The following MYZAP variants were observed in gnomAD, a reference collection of about 807,000 sequenced individuals.
The protein encoded by MYZAP is myocardial zonula adherens protein, also known as GRINL1A complex locus upstream.
Under a neutral mutation model 69.4 loss-of-function variants are expected in MYZAP, and 66 were observed. The ratio of observed to expected loss-of-function variants is 0.95; its 90% CI spans 0.78 to 1.17. The LOEUF (loss-of-function observed/expected upper bound fraction) is 1.17, where lower values mean the gene tolerates loss of function less well. Among genes scored for constraint, MYZAP ranks in the 50% most tolerant of loss-of-function variants. The probability of loss-of-function intolerance (pLI) is 0.00; values close to 1 mark genes in which losing one functional copy is unlikely to be tolerated. For synonymous variants in MYZAP, 256 were observed against 205.9 expected (o/e 1.24, Z -2.09); for missense variants, 611 against 556.2 (o/e 1.10, Z -0.99).
At chr15:57,624,284 C>T (rs1283179894) in intron 4 of MYZAP, among the ~76,000 whole-genome samples, 2 of 152,210 alleles carry the variant, frequency 1.3e-5, no homozygotes, top group Admixed American at 6.5e-5. Flanking sequence ...GCAGTTACAA[C>T]AGTCATGCAT....
chr15:57,684,349 T>TG (rs1567247541), intron 12 of MYZAP, 53 bp from the exon 13 acceptor site: 5 of 1,156,230 alleles, frequency 4.3e-6, no homozygotes, highest in Non-Finnish European at 6.5e-6. Flanking sequence ...GTGAAGCATA[T>TG]GGGGGGTTTT....
chr15:57,608,469 A>G (rs1452679628), intron 2 of MYZAP, among the ~76,000 whole-genome samples: 1 of 152,066 alleles, frequency 6.6e-6, no homozygotes, highest in African/African-American at 2.4e-5. Context: ...GTGTATTTGG[A>G]GGTTTCCTAT....
At chr15:57,677,864 C>T (rs547139890) in intron 12 of MYZAP, among the ~76,000 whole-genome samples, 24 of 152,102 alleles carry the variant, frequency 1.6e-4, no homozygotes, top group Admixed American at 3.9e-4. Context: ...AGGATAATAT[C>T]AAACCTCATT....
intron 1 of MYZAP, among the ~76,000 whole-genome samples, chr15:57,601,112 TA>T (rs1469514993): frequency 1.3e-5 from 2 of 151,822 alleles, no homozygotes; most frequent in Non-Finnish European, 2.9e-5. Flanking sequence ...TAAAAATATC[TA>T]ATATTCATAG....
At position 57,591,939 on chromosome 15, in the gene MYZAP, C is replaced by T; in HGVS notation, c.-96C>T. 4 of 1,157,110 alleles carry T rather than the reference C, an allele frequency of 3.5e-6. No homozygotes were observed. The highest frequency in any genetic ancestry group is 4.3e-6 in the Non-Finnish European group (4 of 921,224). 71.7% of individuals were successfully genotyped at this position (1,157,110 alleles called of 1,614,324 possible). ...CAGCTGAGGCTGCAAGTAGCCGGCG[C>T]CGTCCCGCGTCGCCCCCGCGCAGGG... On this transcript the variant is annotated 5_prime_UTR_variant, in exon 1 of 13. Coordinates refer to ENST00000267853, the MANE Select transcript of MYZAP (RefSeq NM_001018100.5).
At chr15:57,607,571 C>T (rs561428107) in intron 2 of MYZAP, among the ~76,000 whole-genome samples, 62 of 152,280 alleles carry the variant, frequency 4.1e-4, no homozygotes, top group South Asian at 2.3e-3. Flanking sequence ...AGCCCCCAGA[C>T]ACCCTCCTGT....
intron 2 of MYZAP, among the ~76,000 whole-genome samples, chr15:57,617,486 C>G (rs1177334794): frequency 6.6e-6 from 1 of 152,166 alleles, no homozygotes; most frequent in Non-Finnish European, 1.5e-5. Context: ...AGTCACACCA[C>G]CTCTTCCTGG....
At chr15:57,661,960 G>T (rs1384142964) in intron 11 of MYZAP, among the ~76,000 whole-genome samples, 1 of 152,194 alleles carries the variant, frequency 6.6e-6, no homozygotes, top group Non-Finnish European at 1.5e-5. Flanking sequence ...GCACAGAGAA[G>T]ACAGGTGGTT....
intron 10 of MYZAP, among the ~76,000 whole-genome samples, chr15:57,658,382 T>C (rs2038109917): frequency 6.6e-6 from 1 of 152,208 alleles, no homozygotes; most frequent in African/African-American, 2.4e-5. Context: ...TTCCTTGCTA[T>C]TATTTAATAC....
intron 2 of MYZAP, among the ~76,000 whole-genome samples, chr15:57,610,641 G>C (rs1400530446): frequency 6.6e-6 from 1 of 152,188 alleles, no homozygotes; most frequent in African/African-American, 2.4e-5. Context: ...TCTAGAGCCA[G>C]TGTTTTTCCA....
intron 5 of MYZAP, among the ~76,000 whole-genome samples, chr15:57,627,544 C>A (rs141414168): frequency 1.8e-3 from 280 of 152,116 alleles, no homozygotes; most frequent in African/African-American, 6.6e-3. Context: ...CCTGGTGGAC[C>A]GAGTCTGAAG....
At chr15:57,594,363 G>A (rs1225287314) in intron 1 of MYZAP, among the ~76,000 whole-genome samples, 1 of 152,178 alleles carries the variant, frequency 6.6e-6, no homozygotes, top group East Asian at 1.9e-4. Context: ...TGATACAACT[G>A]CCTCGGCCTC....
At chr15:57,664,756 G>A (rs895225325) in intron 11 of MYZAP, among the ~76,000 whole-genome samples, 4 of 152,196 alleles carry the variant, frequency 2.6e-5, no homozygotes, top group Non-Finnish European at 4.4e-5. Flanking sequence ...TGTGAAGAGT[G>A]CAATTGCAGA....
chr15:57,642,226 A>T (rs1225781839), intron 10 of MYZAP, among the ~76,000 whole-genome samples: 1 of 152,226 alleles, frequency 6.6e-6, no homozygotes, highest in Non-Finnish European at 1.5e-5. Flanking sequence ...GAAGTCTGGT[A>T]ACTTCAGTTA....
intron 12 of MYZAP, among the ~76,000 whole-genome samples, chr15:57,675,777 C>T (rs2039085480): frequency 6.6e-6 from 1 of 152,160 alleles, no homozygotes; most frequent in Non-Finnish European, 1.5e-5. Flanking sequence ...AACTAACTCA[C>T]CATTCCCGGG....
chr15:57,608,343 A>G (rs550501792), intron 2 of MYZAP, among the ~76,000 whole-genome samples: 3 of 152,304 alleles, frequency 2.0e-5, no homozygotes, highest in East Asian at 3.9e-4. Context: ...ATTGCTCCCA[A>G]TGTGGGTGTG....
intron 1 of MYZAP, among the ~76,000 whole-genome samples, chr15:57,600,748 A>G (rs1172478017): frequency 1.3e-5 from 2 of 152,192 alleles, no homozygotes; most frequent in African/African-American, 4.8e-5. Context: ...GGTCTGTTTC[A>G]TTTTGAAGCA....
chr15:57,617,217 G>T (rs971521050), intron 2 of MYZAP, among the ~76,000 whole-genome samples: 1 of 152,124 alleles, frequency 6.6e-6, no homozygotes, highest in Non-Finnish European at 1.5e-5. Context: ...GAAGTGGAAA[G>T]GACAGAAAGG....
At chr15:57,598,989 T>G (rs2034240062) in intron 1 of MYZAP, among the ~76,000 whole-genome samples, 1 of 152,226 alleles carries the variant, frequency 6.6e-6, no homozygotes, top group Admixed American at 6.5e-5. Context: ...AAGATTAGTG[T>G]TCTTCTTCCT....
Sources: allele counts gnomAD v4.1 joint callset (sites outside exome capture counted in the v4.1 genomes callset), GRCh38; gene constraint gnomAD v4.1.1; transcripts MANE v1.5; gene names NCBI Gene and HGNC (gene_info 2026-07-23, HGNC 2026-07-21).